The following KIF16B variants were observed in gnomAD, a reference collection of about 807,000 sequenced individuals.
The protein encoded by KIF16B is kinesin-like protein KIF16B.
A neutral mutation model predicts 156.3 loss-of-function variants in KIF16B; 98 were observed. The observed-to-expected ratio is 0.63, with a 90% CI of 0.53 to 0.74. The LOEUF (loss-of-function observed/expected upper bound fraction) is 0.74, where lower values mean the gene tolerates loss of function less well. Among genes scored for constraint, KIF16B ranks in the 30% least tolerant of loss-of-function variants. The probability of loss-of-function intolerance (pLI) is 0.00; values close to 1 mark genes in which losing one functional copy is unlikely to be tolerated. For missense variants in KIF16B, 1,421 were observed against 1,606.5 expected (o/e 0.88, Z 1.97); for synonymous variants, 564 against 583.7 (o/e 0.97, Z 0.49).
intron 7 of KIF16B, 47 bp from the exon 8 acceptor site, chr20:16,506,237 G>C (rs2068774681): frequency 3.5e-6 from 5 of 1,444,408 alleles, no homozygotes; most frequent in Non-Finnish European, 4.9e-6. Flanking sequence ...AAAGGGCCCT[G>C]ATGTTGTTGA....
chr20:16,555,510 AG>A (rs34915756), intron 1 of KIF16B, among the ~76,000 whole-genome samples: 21,870 of 152,252 alleles, frequency 0.14, 1,589 homozygotes, highest in South Asian at 0.19. Context: ...ATCAAGCCAT[AG>A]ACCAAAGGCC....
intron 24 of KIF16B, among the ~76,000 whole-genome samples, chr20:16,330,978 G>A (rs2063937996): frequency 6.6e-6 from 1 of 152,208 alleles, no homozygotes; most frequent in African/African-American, 2.4e-5. Flanking sequence ...AGACAGCCGA[G>A]TGGACTGCTC....
intron 10 of KIF16B, among the ~76,000 whole-genome samples, chr20:16,503,991 T>C (rs1434812352): frequency 2.6e-5 from 4 of 152,214 alleles, no homozygotes; most frequent in Non-Finnish European, 5.9e-5. Context: ...ACAAGTCTTT[T>C]ATTCTGTTAA....
Position 16,521,882 on chromosome 20 carries a change from A to G in KIF16B, c.231+4210T>C, listed in dbSNP as rs190105102. 2.6e-5 allele frequency among the ~76,000 whole-genome samples: 4 copies of G among 152,326 alleles called. No individual in the cohort carries two copies. In the East Asian group the frequency reaches 7.7e-4, roughly 29 times the overall value. ...GGCCAATATTAAACATTCTTAAAGA[A>G]AAGAATTTTCAACCCAGAATTTCAT... On this transcript the variant is annotated intron_variant, in intron 3 of 25. Transcript: ENST00000354981.
intron 1 of KIF16B, among the ~76,000 whole-genome samples, chr20:16,567,812 C>T (rs959427593): frequency 1.2e-4 from 19 of 152,172 alleles, no homozygotes; most frequent in African/African-American, 3.9e-4. Context: ...ATTAGCCGGG[C>T]GTGGTGGCGG....
intron 1 of KIF16B, among the ~76,000 whole-genome samples, chr20:16,572,626 G>C (rs1308176291): frequency 6.6e-6 from 1 of 152,220 alleles, no homozygotes; most frequent in Non-Finnish European, 1.5e-5. Flanking sequence ...ATTAAATTTT[G>C]TGTGTAACAC....
chr20:16,381,604 T>C (rs1045626772), intron 18 of KIF16B, 90 bp downstream of exon 18: 16 of 913,788 alleles, frequency 1.8e-5, no homozygotes, highest in South Asian at 5.2e-5. Flanking sequence ...GGGGGAAGTA[T>C]TGAAGCAGAC....
chr20:16,489,881 G>A (rs2068234819), intron 12 of KIF16B, among the ~76,000 whole-genome samples: 1 of 151,988 alleles, frequency 6.6e-6, no homozygotes. Flanking sequence ...AGGATCTAAC[G>A]GATCCAAATG....
chr20:16,427,340 A>G (rs2066383483), intron 14 of KIF16B, 99 bp from the exon 15 acceptor site: 1 of 1,166,626 alleles, frequency 8.6e-7, no homozygotes, highest in Non-Finnish European at 1.2e-6. Context: ...CCTTTTGAAT[A>G]CTCTTCCTTT....
chr20:16,312,433 TTAAAAGA>T lies in KIF16B; in HGVS notation c.3712-22_3712-16del. On this transcript the variant is annotated splice_polypyrimidine_tract_variant and intron_variant, in intron 24 of 25. Coordinates refer to ENST00000354981, the MANE Select transcript of KIF16B (RefSeq NM_024704.5). ...AGGGCAGCAAGCTGAAATAGACATT[TTAAAAGA>T]CATGCATTAATAGCATACCTGTTAA... is the stretch of plus-strand genomic sequence containing the variant. 1 of 1,560,132 alleles carries T rather than the reference TTAAAAGA, an allele frequency of 6.4e-7. No homozygotes were observed. Among genetic ancestry groups the T allele is most frequent in the South Asian group, 1.1e-5 (1 of 89,858 alleles).
At chr20:16,456,096 CCAATACAATACAATACAATACAATA>C (rs56823966) in intron 12 of KIF16B, among the ~76,000 whole-genome samples, 17 of 143,410 alleles carry the variant, frequency 1.2e-4, no homozygotes, top group East Asian at 4.1e-4. Flanking sequence ...TCTACTGGAG[CCAATACAATACAATACAATACAATA>C]CAATACAATA....
chr20:16,491,714 G>C (rs2068297891), intron 12 of KIF16B, among the ~76,000 whole-genome samples: 1 of 152,132 alleles, frequency 6.6e-6, no homozygotes, highest in Non-Finnish European at 1.5e-5. Context: ...AAAGCCCAAG[G>C]CTCCAGCCAC....
intron 25 of KIF16B, among the ~76,000 whole-genome samples, chr20:16,276,467 AG>A (rs2063062455): frequency 6.6e-6 from 1 of 152,232 alleles, no homozygotes; most frequent in African/African-American, 2.4e-5. Context: ...ACATTACAGA[AG>A]AGTTTTCTCT....
At chr20:16,552,061 C>A (rs1202638788) in intron 1 of KIF16B, among the ~76,000 whole-genome samples, 1 of 152,184 alleles carries the variant, frequency 6.6e-6, no homozygotes, top group Non-Finnish European at 1.5e-5. Context: ...TTACTCACGT[C>A]CTCAACTCTC....
At chr20:16,276,184 G>A (rs2063058735) in intron 25 of KIF16B, among the ~76,000 whole-genome samples, 1 of 152,212 alleles carries the variant, frequency 6.6e-6, no homozygotes, top group Non-Finnish European at 1.5e-5. Context: ...AAATCTGGGA[G>A]CAGATGTTAT....
At chr20:16,403,019 C>G (rs2065693829) in intron 17 of KIF16B, among the ~76,000 whole-genome samples, 1 of 152,148 alleles carries the variant, frequency 6.6e-6, no homozygotes, top group Non-Finnish European at 1.5e-5. Flanking sequence ...TGACCCTGTG[C>G]TCAAAGGAAA....
At chr20:16,471,048 G>A (rs1174869640) in intron 12 of KIF16B, among the ~76,000 whole-genome samples, 3 of 151,956 alleles carry the variant, frequency 2.0e-5, no homozygotes, top group Admixed American at 2.0e-4. Context: ...AAGAGACATT[G>A]GGCAAAAACA....
intron 17 of KIF16B, among the ~76,000 whole-genome samples, chr20:16,398,344 T>C (rs956481747): frequency 2.0e-5 from 3 of 152,274 alleles, no homozygotes; most frequent in African/African-American, 7.2e-5. Context: ...GTTGAGTTGA[T>C]GCTTGGAAGT....
At chr20:16,521,454 A>C (rs2069348034) in intron 3 of KIF16B, among the ~76,000 whole-genome samples, 1 of 151,976 alleles carries the variant, frequency 6.6e-6, no homozygotes, top group Non-Finnish European at 1.5e-5. Context: ...ATAAAGCATG[A>C]AGACAAGATT....
Sources: allele counts gnomAD v4.1 joint callset (sites outside exome capture counted in the v4.1 genomes callset), GRCh38; gene constraint gnomAD v4.1.1; transcripts MANE v1.5; gene names NCBI Gene and HGNC (gene_info 2026-07-23, HGNC 2026-07-21).